Variants in RAE1 observed in about 807,000 individuals in gnomAD.
The protein encoded by RAE1 is mRNA export factor RAE1.
Under a neutral mutation model 52.7 loss-of-function variants are expected in RAE1, and 13 were observed. The ratio of observed to expected loss-of-function variants is 0.25; its 90% confidence interval spans 0.16 to 0.39. The LOEUF (loss-of-function observed/expected upper bound fraction) is 0.39, where lower values mean the gene tolerates loss of function less well. Ranked by LOEUF, RAE1 falls within the 10% of genes least tolerant of loss-of-function variation. The pLI is 1.00. For synonymous variants in RAE1, 164 were observed against 153.1 expected, an observed-to-expected ratio of 1.07 and a Z score of -0.52; for missense variants, 262 against 459.8, an observed-to-expected ratio of 0.57 and a Z score of 3.93.
chr20:57,369,083 C>T (rs1398573143), intron 8 of RAE1, among the ~76,000 whole-genome samples: 1 of 152,160 alleles, frequency 6.6e-6, no homozygotes, highest in Non-Finnish European at 1.5e-5. Context: ...TTCTCCTTTG[C>T]CCTCTGAAGG....
intron 4 of RAE1, among the ~76,000 whole-genome samples, chr20:57,360,799 A>G (rs547915899): frequency 6.6e-6 from 1 of 152,198 alleles, no homozygotes; most frequent in Non-Finnish European, 1.5e-5. Context: ...ACTTCTGTTT[A>G]TTACTAGATT....
At chr20:57,375,768 C>T (rs2067104916) in intron 11 of RAE1, among the ~76,000 whole-genome samples, 1 of 152,222 alleles carries the variant, frequency 6.6e-6, no homozygotes, top group South Asian at 2.1e-4. Flanking sequence ...TGGCCACGTC[C>T]TCCTCATCCA....
intron 5 of RAE1, among the ~76,000 whole-genome samples, chr20:57,366,194 A>G (rs1004400071): frequency 4.6e-5 from 7 of 152,124 alleles, no homozygotes; most frequent in Non-Finnish European, 8.8e-5. Context: ...TGTCTTAATT[A>G]TGAGTAAAAA....
intron 4 of RAE1, among the ~76,000 whole-genome samples, chr20:57,361,347 A>AT (rs1196137925): frequency 1.3e-5 from 2 of 152,088 alleles, no homozygotes; most frequent in Non-Finnish European, 2.9e-5. Context: ...GAGCCTTAAG[A>AT]TTTTTTAGAA....
intron 8 of RAE1, among the ~76,000 whole-genome samples, chr20:57,369,874 C>T (rs979892105): frequency 1.3e-5 from 2 of 152,286 alleles, no homozygotes; most frequent in Middle Eastern, 3.4e-3. Context: ...AGAAATCTGC[C>T]CGTGCTTGCC....
intron 3 of RAE1, 40 bp from the exon 4 acceptor site, chr20:57,356,406 G>T: frequency 6.6e-7 from 1 of 1,505,284 alleles, no homozygotes; most frequent in Non-Finnish European, 9.2e-7. Flanking sequence ...GCAATACATC[G>T]TAATTGCTTT....
chr20:57,365,767 G>A (rs186095017), intron 5 of RAE1, among the ~76,000 whole-genome samples: 11 of 152,266 alleles, frequency 7.2e-5, no homozygotes, highest in African/African-American at 2.4e-4. Flanking sequence ...TTGTGACCTC[G>A]TGCATGGCTG....
chr20:57,357,286 C>G (rs975407190), intron 4 of RAE1: 6 of 152,274 alleles, frequency 3.9e-5, no homozygotes, highest in African/African-American at 1.2e-4. Context: ...CTCGCAGCCC[C>G]TGGAAACTAC....
chr20:57,364,797 A>G (rs2066932370), intron 4 of RAE1, among the ~76,000 whole-genome samples: 1 of 152,246 alleles, frequency 6.6e-6, no homozygotes, highest in African/African-American at 2.4e-5. Context: ...TTGACAAGTT[A>G]GATAGGACCA....
intron 4 of RAE1, among the ~76,000 whole-genome samples, chr20:57,360,235 C>T (rs1021428417): frequency 6.6e-6 from 1 of 152,222 alleles, no homozygotes; most frequent in African/African-American, 2.4e-5. Flanking sequence ...TGGTTTACTG[C>T]TAAATCCTCC....
At chr20:57,353,358 C>G (rs549599960) in intron 1 of RAE1, among the ~76,000 whole-genome samples, 1 of 152,320 alleles carries the variant, frequency 6.6e-6, no homozygotes, top group East Asian at 1.9e-4. Flanking sequence ...ATTAGAGTCC[C>G]AACTCCTGAG....
intron 8 of RAE1, chr20:57,372,092 C>T (rs909671681): frequency 5.3e-5 from 8 of 152,182 alleles, no homozygotes; most frequent in African/African-American, 1.9e-4. Context: ...AGAGATATGC[C>T]GTACTACATG....
At chr20:57,360,446 T>C (rs2066875935) in intron 4 of RAE1, among the ~76,000 whole-genome samples, 3 of 152,236 alleles carry the variant, frequency 2.0e-5, no homozygotes. Flanking sequence ...TCGGGGTTTA[T>C]TGATTATAGA....
At chr20:57,355,835 A>G (rs1255673199) in intron 3 of RAE1, among the ~76,000 whole-genome samples, 1 of 152,160 alleles carries the variant, frequency 6.6e-6, no homozygotes, top group Non-Finnish European at 1.5e-5. Flanking sequence ...TGTAATTTTT[A>G]GAAAGATTTC....
chr20:57,353,351 A>G (rs1210213001), intron 1 of RAE1, among the ~76,000 whole-genome samples: 4 of 152,228 alleles, frequency 2.6e-5, no homozygotes, highest in Non-Finnish European at 5.9e-5. Flanking sequence ...TGGTGAGATT[A>G]GAGTCCCAAC....
chr20:57,375,415 A>T (rs1323526629), intron 11 of RAE1, among the ~76,000 whole-genome samples: 1 of 151,536 alleles, frequency 6.6e-6, no homozygotes, highest in Non-Finnish European at 1.5e-5. Context: ...ACTTTTCCCT[A>T]CCCTGCCCTG....
At chr20:57,358,033 T>C (rs760031342) in intron 4 of RAE1, 2 of 151,020 alleles carry the variant, frequency 1.3e-5, no homozygotes, top group Non-Finnish European at 2.9e-5. Flanking sequence ...ATAGAATAGA[T>C]AGACGGCTAG....
At position 57,373,210 on chromosome 20, in the gene RAE1, G is replaced by T. The variant is rs774491766; in HGVS notation, c.643-265G>T. On this transcript the variant is annotated intron_variant, in intron 8 of 11. Transcript: ENST00000395841. Reference sequence around the variant, plus strand: ...TCGCAGCCCATGGGGCTCTGCTGGCGTGAACGCGGCCTTGCAGGGTGGCAG... The same window carrying T: ...TCGCAGCCCATGGGGCTCTGCTGGCTTGAACGCGGCCTTGCAGGGTGGCAG... The T allele has an allele frequency of 6.4e-6, 3 of 469,392 alleles. No homozygotes were observed. The East Asian group carries it at 1.2e-4, about 19-fold the overall frequency. 29.1% of individuals were successfully genotyped at this position (469,392 alleles called of 1,614,324 possible).
intron 8 of RAE1, 136 bp downstream of exon 8, chr20:57,368,948 A>C: frequency 1.5e-6 from 1 of 686,136 alleles, no homozygotes; most frequent in South Asian, 1.8e-5. Context: ...GGATATAAAC[A>C]CAAATACTTA....
Sources: allele counts gnomAD v4.1 joint callset (sites outside exome capture counted in the v4.1 genomes callset), GRCh38; gene constraint gnomAD v4.1.1; transcripts MANE v1.5; gene names NCBI Gene and HGNC (gene_info 2026-07-23, HGNC 2026-07-21).